The following PAN3 variants were observed in gnomAD, a reference collection of about 807,000 sequenced individuals.
PAN3 encodes PAN2-PAN3 deadenylation complex subunit PAN3.
PAN3 carries 19 observed loss-of-function variants against 96.2 expected under a neutral mutation model. The observed-to-expected ratio is 0.20, with a 90% confidence interval of 0.14 to 0.29. The LOEUF (loss-of-function observed/expected upper bound fraction) is 0.29. Among genes scored for constraint, PAN3 ranks in the 10% least tolerant of loss-of-function variants. The pLI, the probability that PAN3 is intolerant of heterozygous loss-of-function variation, is 1.00. For synonymous variants in PAN3, 433 were observed against 406.6 expected (o/e 1.06, Z -0.78); for missense variants, 882 against 1,108.1 (o/e 0.80, Z 2.90).
intron 1 of PAN3, among the ~76,000 whole-genome samples, chr13:28,147,374 A>G (rs549491522): frequency 6.6e-6 from 1 of 152,324 alleles, no homozygotes; most frequent in Admixed American, 6.5e-5. Context: ...CATTAAACGC[A>G]TTTTTGACAT....
At chr13:28,242,847 A>G (rs1883810134) in intron 6 of PAN3, among the ~76,000 whole-genome samples, 1 of 152,112 alleles carries the variant, frequency 6.6e-6, no homozygotes. Context: ...TCTTTCCACA[A>G]AGTTTTGTAA....
intron 13 of PAN3, 103 bp from the exon 14 acceptor site, chr13:28,271,878 T>G: frequency 2.8e-6 from 2 of 716,408 alleles, no homozygotes; most frequent in Non-Finnish European, 2.1e-6. Context: ...AACTCAATTC[T>G]GAGATCCTTC....
At chr13:28,206,941 T>G (rs748504499) in intron 5 of PAN3, among the ~76,000 whole-genome samples, 10 of 152,120 alleles carry the variant, frequency 6.6e-5, no homozygotes, top group Admixed American at 6.5e-5. Context: ...CTCATTCTAT[T>G]ATATTTCTGG....
intron 1 of PAN3, among the ~76,000 whole-genome samples, chr13:28,164,211 T>TTAA (rs766918214): frequency 1.7e-4 from 26 of 152,216 alleles, no homozygotes; most frequent in Non-Finnish European, 3.5e-4. Context: ...TAAAATAACT[T>TTAA]TAAGATATTG....
chr13:28,278,976 A>G (rs1302046600), intron 15 of PAN3, among the ~76,000 whole-genome samples: 2 of 151,964 alleles, frequency 1.3e-5, no homozygotes, highest in Non-Finnish European at 2.9e-5. Context: ...TGGAGCTTAC[A>G]CCCTAATGGG....
At chr13:28,214,842 G>A in intron 5 of PAN3, 1 of 683,632 alleles carries the variant, frequency 1.5e-6, no homozygotes, top group South Asian at 1.5e-5. Flanking sequence ...ATCTCAGGCT[G>A]ACTGTGCTGT....
chr13:28,231,831 G>A (rs1882586938), intron 6 of PAN3, among the ~76,000 whole-genome samples: 1 of 152,150 alleles, frequency 6.6e-6, no homozygotes, highest in African/African-American at 2.4e-5. Flanking sequence ...GAGCTCAGGA[G>A]TTCAAGGCTG....
chr13:28,149,095 C>T (rs912974742), intron 1 of PAN3, among the ~76,000 whole-genome samples: 2 of 151,984 alleles, frequency 1.3e-5, no homozygotes, highest in Non-Finnish European at 2.9e-5. Context: ...CGACTCATAC[C>T]TGTAATCCTA....
intron 5 of PAN3, among the ~76,000 whole-genome samples, chr13:28,202,208 G>A (rs1878797807): frequency 6.6e-6 from 1 of 151,934 alleles, no homozygotes; most frequent in South Asian, 2.1e-4. Context: ...AACAGAATTG[G>A]GCCTTAGGAA....
chr13:28,260,637 ATAT>A (rs1247038387), intron 8 of PAN3, 86 bp downstream of exon 8: 21 of 1,084,264 alleles, frequency 1.9e-5, no homozygotes, highest in Non-Finnish European at 2.7e-5. Context: ...TTTTCAAATC[ATAT>A]TATTTAATCA....
At position 28,294,237 on chromosome 13, in the gene PAN3, G is replaced by A. The variant is rs1341039259; in HGVS notation, c.*1715G>A. 1.3e-5 allele frequency: 2 copies of A among 152,510 alleles called. No individual in the cohort carries two copies. Among genetic ancestry groups the A allele is most frequent in the East Asian group, 1.9e-4 (1 of 5,196 alleles). The allele number at this position is 152,510 out of a possible 1,614,324, so 9.4% of individuals were successfully genotyped here. ...TGGATGGATTTTAAAAGAATATAAT[G>A]TTCAATATTAAAAGGATAATTCACA... On this transcript the variant is annotated 3_prime_UTR_variant, in exon 19 of 19. Coordinates refer to ENST00000380958, the MANE Select transcript of PAN3 (RefSeq NM_175854.8).
chr13:28,174,661 ATGTT>A (rs1207609705), intron 2 of PAN3, among the ~76,000 whole-genome samples: 5 of 152,176 alleles, frequency 3.3e-5, no homozygotes, highest in African/African-American at 4.8e-5. Context: ...TTTTGTATGT[ATGTT>A]AGTTAAACTT....
chr13:28,235,501 T>C (rs1426370025), intron 6 of PAN3, among the ~76,000 whole-genome samples: 1 of 152,152 alleles, frequency 6.6e-6, no homozygotes, highest in Non-Finnish European at 1.5e-5. Flanking sequence ...TTGGGCCTTA[T>C]GTTGCCTGGA....
At chr13:28,199,611 G>GTA in intron 5 of PAN3, among the ~76,000 whole-genome samples, 1 of 152,080 alleles carries the variant, frequency 6.6e-6, no homozygotes, top group East Asian at 1.9e-4. Flanking sequence ...TACTGTCTGT[G>GTA]TAGATTCCAA....
At chr13:28,183,097 A>G (rs1402909531) in intron 4 of PAN3, among the ~76,000 whole-genome samples, 8 of 152,214 alleles carry the variant, frequency 5.3e-5, no homozygotes, top group African/African-American at 1.9e-4. Context: ...TGGAATGTAA[A>G]TCTTAATCCT....
At chr13:28,191,062 A>T (rs192485860) in intron 4 of PAN3, among the ~76,000 whole-genome samples, 220 of 152,320 alleles carry the variant, frequency 1.4e-3, no homozygotes, top group African/African-American at 4.5e-3. Context: ...CACTGTGTTC[A>T]TAAGGTTGGT....
At chr13:28,144,168 A>G (rs1234102276) in intron 1 of PAN3, among the ~76,000 whole-genome samples, 1 of 151,484 alleles carries the variant, frequency 6.6e-6, no homozygotes, top group Non-Finnish European at 1.5e-5. Context: ...TAGTGGGGCT[A>G]TAAATATCTA....
chr13:28,184,090 T>C (rs1475089635), intron 4 of PAN3, among the ~76,000 whole-genome samples: 1 of 152,094 alleles, frequency 6.6e-6, no homozygotes, highest in Non-Finnish European at 1.5e-5. Flanking sequence ...CAGTATTAAT[T>C]TTTTGCCTTC....
intron 1 of PAN3, among the ~76,000 whole-genome samples, chr13:28,155,698 ATATATAT>A (rs535296136): frequency 2.7e-4 from 41 of 151,266 alleles, no homozygotes; most frequent in Non-Finnish European, 4.3e-4. Flanking sequence ...ACATAGTATG[ATATATAT>A]ATATACACAT....
Sources: gnomAD v4.1 joint callset for allele counts (sites outside exome capture counted in the v4.1 genomes callset) on GRCh38, gnomAD v4.1.1 for gene constraint, MANE v1.5 for transcripts, NCBI Gene and HGNC (gene_info 2026-07-23, HGNC 2026-07-21) for gene names.